Variants in TMEM178B observed in about 807,000 individuals in gnomAD.
The protein encoded by TMEM178B is transmembrane protein 178B.
Under a neutral mutation model 31.0 loss-of-function variants are expected in TMEM178B, and 5 were observed. The observed-to-expected ratio is 0.16, with a 90% CI of 0.08 to 0.34. The LOEUF is 0.34. Among genes scored for constraint, TMEM178B ranks in the 10% least tolerant of loss-of-function variants. The pLI, the probability that TMEM178B is intolerant of heterozygous loss-of-function variation, is 1.00. For missense variants in TMEM178B, 275 were observed against 400.3 expected, an observed-to-expected ratio of 0.69 and a Z score of 2.67; for synonymous variants, 164 against 164.0, an observed-to-expected ratio of 1.00 and a Z score of 0.00.
Position 141,460,699 on chromosome 7 carries a change from G to A in TMEM178B, c.635-9837G>A, listed in dbSNP as rs188475754. ...CACCTGGGTGCAGAGCAGTCGTGTCGTGTATAGACACAGCCTCAGGAACAC... is the reference window on the plus strand; with the variant it reads ...CACCTGGGTGCAGAGCAGTCGTGTCATGTATAGACACAGCCTCAGGAACAC... On this transcript the variant is annotated intron_variant, in intron 3 of 3. Coordinates refer to ENST00000565468, the MANE Select transcript of TMEM178B (RefSeq NM_001195278.2). Among the ~76,000 whole-genome samples the A allele has an allele frequency of 4.6e-5, 7 of 152,320 alleles. No individual in the cohort carries two copies. In the East Asian group the frequency reaches 5.8e-4, roughly 13 times the overall value.
rs545868901 is a variant in TMEM178B at position 141,105,480 on chromosome 7, C to G, written c.382+30788C>G. ...TGAGATCGTGCCACTGTATTCTAGC[C>G]TGGGCAACACAGTGAGACTCCATCT... On this transcript the variant is annotated intron_variant, in intron 1 of 3. Transcript: ENST00000565468. Among the ~76,000 whole-genome samples the G allele has an allele frequency of 1.1e-4, 16 of 152,266 alleles. No homozygotes were observed. The South Asian group carries it at 1.5e-3, about 14-fold the overall frequency.
the TMEM178B span, among the ~76,000 whole-genome samples, chr7:141,488,425 T>G: frequency 2.0e-5 from 3 of 152,098 alleles, no homozygotes; most frequent in African/African-American, 7.2e-5. Context: ...GCTTGGAATA[T>G]GCATTTTCTT....
the TMEM178B span, among the ~76,000 whole-genome samples, chr7:141,493,598 T>G: frequency 6.6e-6 from 1 of 152,132 alleles, no homozygotes; most frequent in African/African-American, 2.4e-5. Context: ...TGCAGGTAAT[T>G]TTTTTGTTCA....
At chr7:141,162,367 A>C (rs1167527019) in intron 1 of TMEM178B, among the ~76,000 whole-genome samples, 4 of 152,198 alleles carry the variant, frequency 2.6e-5, no homozygotes, top group Non-Finnish European at 5.9e-5. Context: ...GGCATGCGAT[A>C]CACCCTGGGC....
intron 2 of TMEM178B, among the ~76,000 whole-genome samples, chr7:141,240,901 C>T (rs1797606222): frequency 6.6e-6 from 1 of 151,968 alleles, no homozygotes; most frequent in Non-Finnish European, 1.5e-5. Context: ...GAAGGTTGCA[C>T]TTCTGGACTT....
At chr7:141,249,940 T>A (rs1357607131) in intron 2 of TMEM178B, among the ~76,000 whole-genome samples, 1 of 152,226 alleles carries the variant, frequency 6.6e-6, no homozygotes, top group Non-Finnish European at 1.5e-5. Flanking sequence ...ACATGGATAT[T>A]TCTTACCTTA....
rs186372780 is a variant in TMEM178B, at chr7:141,191,598, A to C, written c.383-20993A>C. 1.1e-3 allele frequency among the ~76,000 whole-genome samples: 165 copies of C among 152,328 alleles called. 1 individual carries two copies. The highest frequency in any genetic ancestry group is 3.8e-3 in the African/African-American group (160 of 41,572). On this transcript the variant is annotated intron_variant, in intron 1 of 3. Coordinates refer to ENST00000565468, the MANE Select transcript of TMEM178B (RefSeq NM_001195278.2). Reference sequence around the variant, plus strand: ...TTTAATCTGTAGCTGTCTTATTTTGAGTGCTCTTGAGTATCTTTTCATATG... The same window carrying C: ...TTTAATCTGTAGCTGTCTTATTTTGCGTGCTCTTGAGTATCTTTTCATATG...
intron 2 of TMEM178B, among the ~76,000 whole-genome samples, chr7:141,333,751 G>A (rs1213963567): frequency 5.3e-5 from 8 of 152,212 alleles, no homozygotes; most frequent in Admixed American, 5.2e-4. Flanking sequence ...TTTTTCCGTG[G>A]ACTGGGGTGG....
chr7:141,282,517 A>G (rs376262468), intron 2 of TMEM178B, among the ~76,000 whole-genome samples: 6 of 152,214 alleles, frequency 3.9e-5, no homozygotes, highest in African/African-American at 1.4e-4. Context: ...GAGGGTGAAG[A>G]ACAACTTTGA....
At chr7:141,157,457 A>G (rs974408120) in intron 1 of TMEM178B, among the ~76,000 whole-genome samples, 1 of 152,006 alleles carries the variant, frequency 6.6e-6, no homozygotes, top group Non-Finnish European at 1.5e-5. Flanking sequence ...ACACACACGC[A>G]CACCAGCCAA....
intron 2 of TMEM178B, among the ~76,000 whole-genome samples, chr7:141,314,065 C>T (rs1466934317): frequency 6.6e-6 from 1 of 152,220 alleles, no homozygotes; most frequent in Non-Finnish European, 1.5e-5. Flanking sequence ...TCAGCCTCTG[C>T]CTCGGCTGAG....
rs543896214 is a variant in TMEM178B, at chr7:141,108,968, C to T, written c.382+34276C>T. On this transcript the variant is annotated intron_variant, in intron 1 of 3. Coordinates refer to ENST00000565468, the MANE Select transcript of TMEM178B (RefSeq NM_001195278.2). ...GTGAAAGGCACTTCTTACATGGTGG[C>T]GGCAAGAGAGAGAATGAGAGCCAAG... Among the ~76,000 whole-genome samples the T allele has an allele frequency of 1.3e-4, 20 of 152,204 alleles. 1 individual carries two copies. The East Asian group carries it at 1.5e-3, about 12-fold the overall frequency.
At chr7:141,144,189 C>T (rs890331228) in intron 1 of TMEM178B, among the ~76,000 whole-genome samples, 7 of 152,236 alleles carry the variant, frequency 4.6e-5, no homozygotes, top group Non-Finnish European at 7.4e-5. Context: ...CCTTCTTTTC[C>T]TATTTGGATG....
At chr7:141,324,473 C>T (rs1799156603) in intron 2 of TMEM178B, among the ~76,000 whole-genome samples, 1 of 115,584 alleles carries the variant, frequency 8.7e-6, no homozygotes, top group Admixed American at 1.2e-4. Flanking sequence ...TTGAAAAATG[C>T]AGCTGCCATT....
At chr7:141,264,455 T>C (rs951516484) in intron 2 of TMEM178B, among the ~76,000 whole-genome samples, 1 of 152,100 alleles carries the variant, frequency 6.6e-6, no homozygotes, top group African/African-American at 2.4e-5. Context: ...TAGGAGGCAG[T>C]TGGCAGTCAT....
intron 3 of TMEM178B, among the ~76,000 whole-genome samples, chr7:141,467,142 G>A (rs1423529164): frequency 6.6e-6 from 1 of 152,112 alleles, no homozygotes; most frequent in African/African-American, 2.4e-5. Context: ...TGAGGAACTT[G>A]TAAAAACTAT....
At position 141,472,959 on chromosome 7, in the gene TMEM178B, G is replaced by A. The variant is rs565011648; in HGVS notation, c.*2173G>A. On this transcript the variant is annotated 3_prime_UTR_variant, in exon 4 of 4. Coordinates refer to ENST00000565468, the MANE Select transcript of TMEM178B (RefSeq NM_001195278.2). Reference sequence around the variant, plus strand: ...TGCCCTACTCAAGACTTCCTTACCGGGGACTCTGGTCAGCTTCTGCAAAAG... The same window carrying A: ...TGCCCTACTCAAGACTTCCTTACCGAGGACTCTGGTCAGCTTCTGCAAAAG... 4 of 152,216 alleles carry A rather than the reference G, an allele frequency of 2.6e-5. No homozygotes were observed. The highest frequency in any genetic ancestry group is 9.6e-5 in the African/African-American group (4 of 41,512). The allele number at this position is 152,216 out of a possible 1,614,324, so 9.4% of individuals were successfully genotyped here.
chr7:141,496,312 A>G, the TMEM178B span, among the ~76,000 whole-genome samples: 1 of 152,168 alleles, frequency 6.6e-6, no homozygotes, highest in South Asian at 2.1e-4. Flanking sequence ...GTGGCCTGTG[A>G]GAACCTGGTA....
intron 2 of TMEM178B, among the ~76,000 whole-genome samples, chr7:141,258,942 C>T: frequency 6.6e-6 from 1 of 151,958 alleles, no homozygotes; most frequent in Admixed American, 6.6e-5. Flanking sequence ...TGAGTGTGGA[C>T]ATTCTTCTGT....
Sources: allele counts gnomAD v4.1 joint callset (sites outside exome capture counted in the v4.1 genomes callset), GRCh38; gene constraint gnomAD v4.1.1; transcripts MANE v1.5; gene names NCBI Gene and HGNC (gene_info 2026-07-23, HGNC 2026-07-21).